The following PTPRT variants were observed in gnomAD, a reference collection of about 807,000 sequenced individuals.
PTPRT encodes receptor-type tyrosine-protein phosphatase T.
A neutral mutation model predicts 176.8 loss-of-function variants in PTPRT; 56 were observed. The ratio of observed to expected loss-of-function variants is 0.32; its 90% confidence interval spans 0.26 to 0.40. The LOEUF is 0.40. Ranked by LOEUF, PTPRT falls within the 10% of genes least tolerant of loss-of-function variation. The probability of loss-of-function intolerance (pLI) is 1.00; values close to 1 mark genes in which losing one functional copy is unlikely to be tolerated. For missense variants in PTPRT, 1,540 were observed against 1,908.2 expected (o/e 0.81, Z 3.60); for synonymous variants, 783 against 739.0 (o/e 1.06, Z -0.96).
At chr20:42,453,758 C>T (rs1399985965) in intron 8 of PTPRT, among the ~76,000 whole-genome samples, 1 of 151,422 alleles carries the variant, frequency 6.6e-6, no homozygotes, top group Non-Finnish European at 1.5e-5. Flanking sequence ...GCAACCTCCG[C>T]CTCCTAGGTT....
chr20:42,098,269 A>G (rs1985486812), intron 27 of PTPRT, 152 bp downstream of exon 27: 2 of 1,078,526 alleles, frequency 1.9e-6, no homozygotes, highest in African/African-American at 1.6e-5. Context: ...AGGTAGCAGA[A>G]TGGCTTGTCT....
At chr20:42,438,397 T>C (rs1346520509) in intron 9 of PTPRT, among the ~76,000 whole-genome samples, 2 of 152,164 alleles carry the variant, frequency 1.3e-5, no homozygotes, top group African/African-American at 2.4e-5. Flanking sequence ...GGTGTTACCA[T>C]GGCACGGATA....
intron 9 of PTPRT, among the ~76,000 whole-genome samples, chr20:42,432,967 T>C (rs2059228592): frequency 6.6e-6 from 1 of 152,230 alleles, no homozygotes; most frequent in Non-Finnish European, 1.5e-5. Context: ...TCACTCATAC[T>C]GGCTCAGAAT....
At chr20:42,363,194 G>A (rs2058455651) in intron 9 of PTPRT, among the ~76,000 whole-genome samples, 1 of 136,246 alleles carries the variant, frequency 7.3e-6, no homozygotes, top group Non-Finnish European at 1.5e-5. Context: ...TGGCAAATCT[G>A]TAATCATGGA....
At chr20:43,142,773 C>T (rs369759615) in intron 1 of PTPRT, among the ~76,000 whole-genome samples, 12 of 152,176 alleles carry the variant, frequency 7.9e-5, no homozygotes, top group African/African-American at 2.7e-4. Flanking sequence ...CAGGAGAAGC[C>T]GTGTTGACAT....
At chr20:42,194,635 A>G (rs1991129503) in intron 16 of PTPRT, among the ~76,000 whole-genome samples, 1 of 152,254 alleles carries the variant, frequency 6.6e-6, no homozygotes. Flanking sequence ...TGAGCAAAAG[A>G]TCGCAGAGAA....
chr20:42,177,293 T>C lies in PTPRT; in HGVS notation c.2492-15751A>G, dbSNP rs532148782. On this transcript the variant is annotated intron_variant, in intron 16 of 30. Coordinates refer to ENST00000373187, the MANE Select transcript of PTPRT (RefSeq NM_007050.6). The stretch of plus-strand genomic sequence containing the variant: ...GGATTAGGTGGTCTCTAAGGGAGCT[T>C]CCAGTTAAAAGATACAATGTGTTCT... 1.1e-3 allele frequency among the ~76,000 whole-genome samples: 168 copies of C among 152,320 alleles called. 1 individual carries two copies. Among genetic ancestry groups the C allele is most frequent in the South Asian group, 3.5e-3 (17 of 4,824 alleles).
At chr20:42,144,977 T>C (rs949509352) in intron 17 of PTPRT, among the ~76,000 whole-genome samples, 3 of 152,200 alleles carry the variant, frequency 2.0e-5, no homozygotes, top group Admixed American at 1.3e-4. Flanking sequence ...CTACCTTTCT[T>C]GCATCTGGTC....
intron 7 of PTPRT, among the ~76,000 whole-genome samples, chr20:42,614,781 C>G (rs1291620978): frequency 6.6e-6 from 1 of 152,092 alleles, no homozygotes; most frequent in Non-Finnish European, 1.5e-5. Flanking sequence ...AGGTTTAATG[C>G]ACTTACAGTT....
chr20:43,053,582 C>G (rs1987127241), intron 1 of PTPRT, among the ~76,000 whole-genome samples: 1 of 152,196 alleles, frequency 6.6e-6, no homozygotes, highest in Non-Finnish European at 1.5e-5. Flanking sequence ...GCACTCTTCA[C>G]TACCCACTTC....
intron 17 of PTPRT, among the ~76,000 whole-genome samples, chr20:42,152,373 C>T (rs1030983608): frequency 2.6e-5 from 4 of 152,166 alleles, no homozygotes. Context: ...TTATTGCATA[C>T]CATGTCACTA....
chr20:42,200,997 G>C (rs892452945), intron 15 of PTPRT, among the ~76,000 whole-genome samples: 1 of 152,236 alleles, frequency 6.6e-6, no homozygotes, highest in Non-Finnish European at 1.5e-5. Flanking sequence ...CTCCCTGCCA[G>C]AGGAAGTATA....
At chr20:42,654,572 G>A (rs541239816) in intron 7 of PTPRT, among the ~76,000 whole-genome samples, 5 of 152,198 alleles carry the variant, frequency 3.3e-5, no homozygotes, top group Admixed American at 1.3e-4. Context: ...TCTCTTTGCA[G>A]ACTGCACTAC....
intron 3 of PTPRT, 109 bp downstream of exon 3, chr20:42,791,086 C>T (rs919288134): frequency 3.7e-6 from 5 of 1,364,524 alleles, no homozygotes; most frequent in African/African-American, 2.9e-5. Context: ...GCACAGTAAA[C>T]ACGAGTGAAT....
rs537385870 is a variant in PTPRT, at chr20:42,116,765, C to T, written c.2983-1450G>A. ...GGGCTCCTATGATGGTTGTAGGTTT[C>T]GGTAATGCACAATAAGCACCTGGCA... On this transcript the variant is annotated intron_variant, in intron 21 of 30. Transcript: ENST00000373187. Among the ~76,000 whole-genome samples, 6 of 152,218 alleles carry T rather than the reference C, an allele frequency of 3.9e-5. No individual in the cohort carries two copies. The South Asian group carries it at 6.2e-4, about 16-fold the overall frequency.
At chr20:42,163,199 G>A (rs1300140733) in intron 16 of PTPRT, among the ~76,000 whole-genome samples, 1 of 152,186 alleles carries the variant, frequency 6.6e-6, no homozygotes, top group Non-Finnish European at 1.5e-5. Context: ...TACCTAATTA[G>A]TAGGTGGGGT....
At chr20:42,560,711 T>C (rs948987630) in intron 7 of PTPRT, among the ~76,000 whole-genome samples, 22 of 152,124 alleles carry the variant, frequency 1.4e-4, no homozygotes, top group African/African-American at 4.8e-4. Context: ...TTGTATGTAA[T>C]TGGAGGTGCT....
rs573405194 is a variant in PTPRT at position 42,402,594 on chromosome 20, T to C, written c.1560+45626A>G. Among the ~76,000 whole-genome samples the C allele has an allele frequency of 2.7e-5, 4 of 149,256 alleles. No homozygotes were observed. In the East Asian group the frequency reaches 8.0e-4, roughly 30 times the overall value. ...TGACCCAATGACCCACATCCAATAA[T>C]ATGCGGCATTTACAAGACAGAGAGG... On this transcript the variant is annotated intron_variant, in intron 9 of 30. Coordinates refer to ENST00000373187, the MANE Select transcript of PTPRT (RefSeq NM_007050.6).
At chr20:42,516,334 A>G in intron 7 of PTPRT, among the ~76,000 whole-genome samples, 1 of 152,206 alleles carries the variant, frequency 6.6e-6, no homozygotes. Context: ...TTCCCCTCAT[A>G]AAGATAACCA....
Sources: allele counts gnomAD v4.1 joint callset (sites outside exome capture counted in the v4.1 genomes callset), GRCh38; gene constraint gnomAD v4.1.1; transcripts MANE v1.5; gene names NCBI Gene and HGNC (gene_info 2026-07-23, HGNC 2026-07-21).